ISCA1: variants seen among roughly 807,000 people sequenced by gnomAD.
The protein encoded by ISCA1 is iron-sulfur cluster assembly 1.
In ISCA1, 9 loss-of-function variants were observed where a neutral mutation model predicts 14.7. That is an observed-to-expected ratio of 0.61 (90% CI 0.37 to 1.07). The LOEUF is 1.07. ISCA1 is among the 50% of genes least tolerant of loss of function. ISCA1 has a pLI of 0.01. For missense variants in ISCA1, 102 were observed against 150.1 expected, an observed-to-expected ratio of 0.68 and a Z score of 1.67; for synonymous variants, 38 against 54.3, an observed-to-expected ratio of 0.70 and a Z score of 1.32.
intron 1 of ISCA1, among the ~76,000 whole-genome samples, chr9:86,277,870 C>G (rs1321522096): frequency 6.6e-6 from 1 of 151,992 alleles, no homozygotes; most frequent in Admixed American, 6.6e-5. Flanking sequence ...GTATTTTGGC[C>G]TAATTGAAAA....
At chr9:86,272,417 G>C (rs1349308027) in intron 2 of ISCA1, among the ~76,000 whole-genome samples, 1 of 152,150 alleles carries the variant, frequency 6.6e-6, no homozygotes, top group Non-Finnish European at 1.5e-5. Context: ...CTTATGGTTA[G>C]GATTCACCAG....
rs533181521 is a variant in ISCA1 at position 86,269,600 on chromosome 9, C to A, written c.241+2407G>T. On this transcript the variant is annotated intron_variant, in intron 3 of 3. Coordinates refer to ENST00000375991, the MANE Select transcript of ISCA1 (RefSeq NM_030940.4). Reference sequence around the variant, plus strand: ...AATTGGAAAAAACTACTTTAAAGTTCATATGGAACCAAAAAAAAAACCCGC... The same window carrying A: ...AATTGGAAAAAACTACTTTAAAGTTAATATGGAACCAAAAAAAAAACCCGC... 4.6e-5 allele frequency among the ~76,000 whole-genome samples: 7 copies of A among 151,486 alleles called. No individual in the cohort carries two copies. The East Asian group carries it at 1.4e-3, about 29-fold the overall frequency.
chr9:86,266,038 A>T lies in ISCA1; in HGVS notation c.*5T>A. 1 of 1,611,916 alleles carries T rather than the reference A, an allele frequency of 6.2e-7. No individual in the cohort carries two copies. The highest frequency in any genetic ancestry group is 1.1e-5 in the South Asian group (1 of 90,956). ...GGAACCTACGGCCAGAAGAGTCCTG[A>T]GATTTCAAATATTAAAGCTTTCTCC... On this transcript the variant is annotated 3_prime_UTR_variant, in exon 4 of 4. Transcript: ENST00000375991.
intron 3 of ISCA1, chr9:86,267,301 CAAT>C (rs1474940135): frequency 2.4e-6 from 2 of 818,782 alleles, no homozygotes; most frequent in Middle Eastern, 6.1e-4. Context: ...TAAATATAAA[CAAT>C]ATATAATTAA....
intron 1 of ISCA1, among the ~76,000 whole-genome samples, chr9:86,275,995 G>A (rs1161622312): frequency 6.6e-6 from 1 of 152,176 alleles, no homozygotes; most frequent in East Asian, 1.9e-4. Context: ...CCACGGATAA[G>A]GGGAATGGTT....
At chr9:86,278,057 TAAGAA>T (rs1365298065) in intron 1 of ISCA1, among the ~76,000 whole-genome samples, 1 of 152,210 alleles carries the variant, frequency 6.6e-6, no homozygotes, top group Non-Finnish European at 1.5e-5. Context: ...TTTTGCTGTT[TAAGAA>T]AATTAAATTA....
At chr9:86,266,779 G>T (rs965809745) in intron 3 of ISCA1, 1 of 151,906 alleles carries the variant, frequency 6.6e-6, no homozygotes, top group East Asian at 1.9e-4. Context: ...CGGCTGGAGT[G>T]CAGTGGTATG....
chr9:86,280,611 A>AAG lies in ISCA1; in HGVS notation c.81+1766_81+1767insCT, dbSNP rs1825499376. On this transcript the variant is annotated intron_variant, in intron 1 of 3. Coordinates refer to ENST00000375991, the MANE Select transcript of ISCA1 (RefSeq NM_030940.4). Reference sequence around the variant, plus strand: ...CCCTGTCTCAAAAAAAAAAAAAAAAAAAAGAAATTCTGAAGGAAGAGGTAA... The same window carrying AAG: ...CCCTGTCTCAAAAAAAAAAAAAAAAAAGAAAGAAATTCTGAAGGAAGAGGTAA... 2.0e-5 allele frequency among the ~76,000 whole-genome samples: 3 copies of AAG among 151,332 alleles called. No homozygotes were observed. The South Asian group carries it at 6.3e-4, about 32-fold the overall frequency.
In ISCA1 at chr9:86,282,468, C is replaced by A; in HGVS notation, c.-10G>T. On this transcript the variant is annotated 5_prime_UTR_variant, in exon 1 of 4. Transcript: ENST00000375991. ...CTAAGGAAGCCGACATCTTCGCCGTCCCGGCGCCCCGGTGCCTCGGGCCGA... is the reference window on the plus strand; with the variant it reads ...CTAAGGAAGCCGACATCTTCGCCGTACCGGCGCCCCGGTGCCTCGGGCCGA... The A allele has an allele frequency of 1.9e-6, 3 of 1,551,278 alleles. No homozygotes were observed. The highest frequency in any genetic ancestry group is 2.6e-6 in the Non-Finnish European group (3 of 1,147,412).
In ISCA1 at chr9:86,264,742, A is replaced by C. The variant is rs973399452; in HGVS notation, c.*1301T>G. 2 of 152,370 alleles carry C rather than the reference A, an allele frequency of 1.3e-5. No homozygotes were observed. Among genetic ancestry groups the C allele is most frequent in the Admixed American group, 1.3e-4 (2 of 15,282 alleles). 9.4% of individuals were successfully genotyped at this position (152,370 alleles called of 1,614,324 possible). On this transcript the variant is annotated 3_prime_UTR_variant, in exon 4 of 4. Transcript: ENST00000375991. ...TAGTGAATAAACGAAACATAAAGGAACTCAGCTACTTGAATTCATGAGAAT... is the reference window on the plus strand; with the variant it reads ...TAGTGAATAAACGAAACATAAAGGACCTCAGCTACTTGAATTCATGAGAAT...
intron 1 of ISCA1, among the ~76,000 whole-genome samples, chr9:86,280,748 G>A (rs1027267059): frequency 3.3e-4 from 50 of 151,526 alleles, no homozygotes; most frequent in African/African-American, 1.1e-3. Context: ...CCAGGAGTTC[G>A]AGACCAGCCT....
intron 3 of ISCA1, among the ~76,000 whole-genome samples, chr9:86,271,691 T>C (rs1322784504): frequency 6.6e-6 from 1 of 152,226 alleles, no homozygotes; most frequent in Non-Finnish European, 1.5e-5. Flanking sequence ...CAAGCTTATA[T>C]AATAATTTAT....
Position 86,273,253 on chromosome 9 carries a change from A to T in ISCA1, c.135+936T>A, listed in dbSNP as rs551065831. Among the ~76,000 whole-genome samples, 24 of 152,346 alleles carry T rather than the reference A, an allele frequency of 1.6e-4. No individual in the cohort carries two copies. In the South Asian group the frequency reaches 5.0e-3, roughly 32 times the overall value. ...TTAAATATTGCAATCCATTACTTGA[A>T]ATGATTTACAGCATTCCATCGGCAA... is the stretch of plus-strand genomic sequence containing the variant. On this transcript the variant is annotated intron_variant, in intron 2 of 3. Coordinates refer to ENST00000375991, the MANE Select transcript of ISCA1 (RefSeq NM_030940.4).
At chr9:86,280,647 G>A (rs1239815015) in intron 1 of ISCA1, among the ~76,000 whole-genome samples, 2 of 150,196 alleles carry the variant, frequency 1.3e-5, no homozygotes, top group Non-Finnish European at 3.0e-5. Flanking sequence ...CATGTCAAAT[G>A]GTGATGGAGA....
chr9:86,271,483 T>C (rs1825367969), intron 3 of ISCA1, among the ~76,000 whole-genome samples: 1 of 152,248 alleles, frequency 6.6e-6, no homozygotes, highest in South Asian at 2.1e-4. Context: ...GCATTTCCTC[T>C]GAGTGTCATG....
rs889617554 is a variant in ISCA1, at chr9:86,265,687, T to C, written c.*356A>G. The stretch of plus-strand genomic sequence containing the variant: ...GATGTCCTGTCTCAGATTTTAGGAG[T>C]CACCGATCTGGTTGGGAGAAATGCT... On this transcript the variant is annotated 3_prime_UTR_variant, in exon 4 of 4. Coordinates refer to ENST00000375991, the MANE Select transcript of ISCA1 (RefSeq NM_030940.4). The C allele has an allele frequency of 3.7e-5, 9 of 245,358 alleles. No homozygotes were observed. The highest frequency in any genetic ancestry group is 1.6e-5 in the Non-Finnish European group (2 of 122,884). 15.2% of individuals were successfully genotyped at this position (245,358 alleles called of 1,614,324 possible). A position where few individuals can be genotyped will look rare whatever the true frequency, so the allele number is the denominator to read the frequency against.
chr9:86,272,850 C>T (rs974148160), intron 2 of ISCA1, among the ~76,000 whole-genome samples: 1 of 152,218 alleles, frequency 6.6e-6, no homozygotes, highest in Non-Finnish European at 1.5e-5. Context: ...GCTACATAAA[C>T]AGTTGTTATA....
chr9:86,281,145 A>G (rs1375439192), intron 1 of ISCA1, among the ~76,000 whole-genome samples: 2 of 152,148 alleles, frequency 1.3e-5, no homozygotes, highest in Admixed American at 1.3e-4. Context: ...AGTTCTTAAA[A>G]CCTTGTTTAA....
chr9:86,266,655 T>C (rs1333845723), intron 3 of ISCA1, among the ~76,000 whole-genome samples: 1 of 152,164 alleles, frequency 6.6e-6, no homozygotes, highest in Non-Finnish European at 1.5e-5. Flanking sequence ...CAATAGTCTT[T>C]TCTGGTTACA....
Sources: allele counts gnomAD v4.1 joint callset (sites outside exome capture counted in the v4.1 genomes callset), GRCh38; gene constraint gnomAD v4.1.1; transcripts MANE v1.5; gene names NCBI Gene and HGNC (gene_info 2026-07-23, HGNC 2026-07-21).